LAMTOR3: variants seen among roughly 807,000 people sequenced by gnomAD.
The protein encoded by LAMTOR3 is ragulator complex protein LAMTOR3.
A neutral mutation model predicts 20.3 loss-of-function variants in LAMTOR3; 14 were observed. The observed-to-expected ratio is 0.69, with a 90% CI of 0.46 to 1.08. The LOEUF (loss-of-function observed/expected upper bound fraction) is 1.08, where lower values mean the gene tolerates loss of function less well. Ranked by LOEUF, LAMTOR3 falls within the 50% of genes least tolerant of loss-of-function variation. The pLI is 0.00. For synonymous variants in LAMTOR3, 40 were observed against 49.4 expected, an observed-to-expected ratio of 0.81 and a Z score of 0.80; for missense variants, 125 against 143.7, an observed-to-expected ratio of 0.87 and a Z score of 0.67.
chr4:99,882,492 A>G (rs1164521257), intron 6 of LAMTOR3, among the ~76,000 whole-genome samples: 1 of 152,140 alleles, frequency 6.6e-6, no homozygotes, highest in Non-Finnish European at 1.5e-5. Flanking sequence ...TTCAGCATCT[A>G]TTACTAAAGT....
intron 3 of LAMTOR3, among the ~76,000 whole-genome samples, chr4:99,888,473 C>T (rs1184899316): frequency 6.6e-6 from 1 of 152,190 alleles, no homozygotes; most frequent in Non-Finnish European, 1.5e-5. Flanking sequence ...TAAGGTGACA[C>T]TCCTCGACTT....
At chr4:99,882,912 G>A (rs1219930402) in intron 6 of LAMTOR3, among the ~76,000 whole-genome samples, 1 of 151,938 alleles carries the variant, frequency 6.6e-6, no homozygotes, top group African/African-American at 2.4e-5. Context: ...AGAGTGAAAG[G>A]CTATCTGCCT....
chr4:99,891,505 AAAGTATGTTG>A (rs1281258007), intron 3 of LAMTOR3, among the ~76,000 whole-genome samples: 2 of 152,186 alleles, frequency 1.3e-5, no homozygotes, highest in African/African-American at 4.8e-5. Flanking sequence ...CATTTCTTTC[AAAGTATGTTG>A]ATGGTTGGTC....
intron 2 of LAMTOR3, among the ~76,000 whole-genome samples, chr4:99,892,709 G>A (rs1306403062): frequency 7.5e-6 from 1 of 134,020 alleles, no homozygotes; most frequent in Non-Finnish European, 1.5e-5. Context: ...ACGGAGTTTC[G>A]CTCTTGTTGT....
chr4:99,880,635 C>T lies in LAMTOR3; in HGVS notation c.*1359G>A, dbSNP rs1724807483. ...AAAGAAAGAAAAAGCAGCACAGCAC[C>T]TAGCCAATTGCCTCACTGCACAATT... On this transcript the variant is annotated 3_prime_UTR_variant, in exon 7 of 7. Transcript: ENST00000499666. 6.6e-6 allele frequency: 1 copy of T among 152,440 alleles called. No homozygotes were observed. 9.4% of individuals were successfully genotyped at this position (152,440 alleles called of 1,614,324 possible). A position where few individuals can be genotyped will look rare whatever the true frequency, so the allele number is the denominator to read the frequency against.
rs529695611 is a variant in LAMTOR3, at chr4:99,881,035, A to G, written c.*959T>C. The G allele has an allele frequency of 2.6e-5, 4 of 152,268 alleles. No individual in the cohort carries two copies. Among genetic ancestry groups the G allele is most frequent in the African/African-American group, 9.6e-5 (4 of 41,532 alleles). The allele number at this position is 152,268 out of a possible 1,614,324, so 9.4% of individuals were successfully genotyped here. ...AGTGGCACAATCTTGGCTGACTGCAATCTCAGGTTTCTTTTCCAGTTAACA... is the reference window on the plus strand; with the variant it reads ...AGTGGCACAATCTTGGCTGACTGCAGTCTCAGGTTTCTTTTCCAGTTAACA... On this transcript the variant is annotated 3_prime_UTR_variant, in exon 7 of 7. Transcript: ENST00000499666.
At chr4:99,891,595 A>G (rs905248720) in intron 3 of LAMTOR3, among the ~76,000 whole-genome samples, 3 of 152,200 alleles carry the variant, frequency 2.0e-5, no homozygotes, top group East Asian at 1.9e-4. Context: ...TTGTCTCCCA[A>G]TGATAAAGTA....
intron 6 of LAMTOR3, among the ~76,000 whole-genome samples, chr4:99,882,661 A>G (rs1724848806): frequency 6.6e-6 from 1 of 152,108 alleles, no homozygotes; most frequent in Admixed American, 6.6e-5. Context: ...TAAATAAAGC[A>G]TACTTTTGTC....
At chr4:99,892,781 C>T (rs1725045825) in intron 2 of LAMTOR3, among the ~76,000 whole-genome samples, 1 of 150,562 alleles carries the variant, frequency 6.6e-6, no homozygotes, top group South Asian at 2.1e-4. Context: ...CAGGTTCAAA[C>T]GATTCTCCTG....
Position 99,881,794 on chromosome 4 carries a change from A to G in LAMTOR3, c.*200T>C, listed in dbSNP as rs1724832006. 3.7e-6 allele frequency: 2 copies of G among 543,734 alleles called. No individual in the cohort carries two copies. Among genetic ancestry groups the G allele is most frequent in the Non-Finnish European group, 6.5e-6 (2 of 307,114 alleles). 33.7% of individuals were successfully genotyped at this position (543,734 alleles called of 1,614,324 possible). On this transcript the variant is annotated 3_prime_UTR_variant, in exon 7 of 7. Transcript: ENST00000499666. The stretch of plus-strand genomic sequence containing the variant: ...CTGTGGTATCCCTAGATCTCACTAA[A>G]TAAGAAAGACCCTACACCAGAAAAT...
At position 99,881,243 on chromosome 4, in the gene LAMTOR3, T is replaced by A. The variant is rs538409176; in HGVS notation, c.*751A>T. On this transcript the variant is annotated 3_prime_UTR_variant, in exon 7 of 7. Transcript: ENST00000499666. Reference sequence around the variant, plus strand: ...ATACTATTTTATTTTTACTCACATATGAAAAAAATGGCTGTACTATCATGT... The same window carrying A: ...ATACTATTTTATTTTTACTCACATAAGAAAAAAATGGCTGTACTATCATGT... 1 of 152,146 alleles carries A rather than the reference T, an allele frequency of 6.6e-6. No individual in the cohort carries two copies. 9.4% of individuals were successfully genotyped at this position (152,146 alleles called of 1,614,324 possible).
chr4:99,890,765 T>C (rs1273272696), intron 3 of LAMTOR3, among the ~76,000 whole-genome samples: 1 of 152,028 alleles, frequency 6.6e-6, no homozygotes, highest in Non-Finnish European at 1.5e-5. Context: ...TGTTAAAAGA[T>C]AAGAGACATC....
At position 99,880,529 on chromosome 4, in the gene LAMTOR3, G is replaced by A. The variant is rs917218240; in HGVS notation, c.*1465C>T. 1 of 151,996 alleles carries A rather than the reference G, an allele frequency of 6.6e-6. No individual in the cohort carries two copies. Among genetic ancestry groups the A allele is most frequent in the Non-Finnish European group, 1.5e-5 (1 of 68,058 alleles). 9.4% of individuals were successfully genotyped at this position (151,996 alleles called of 1,614,324 possible). A position where few individuals can be genotyped will look rare whatever the true frequency, so the allele number is the denominator to read the frequency against. On this transcript the variant is annotated 3_prime_UTR_variant, in exon 7 of 7. Transcript: ENST00000499666. ...AACAGCTTGAACCCAGGAGGCAGAG[G>A]TTACAGTGAGGCAAGATCATGCCAC...
chr4:99,887,561 A>G (rs1724952207), intron 3 of LAMTOR3, among the ~76,000 whole-genome samples: 1 of 152,236 alleles, frequency 6.6e-6, no homozygotes, highest in African/African-American at 2.4e-5. Flanking sequence ...TTACAAGTTC[A>G]TGCAGTTTAT....
At chr4:99,893,403 T>A (rs1725060957) in intron 2 of LAMTOR3, among the ~76,000 whole-genome samples, 2 of 152,188 alleles carry the variant, frequency 1.3e-5, no homozygotes, top group African/African-American at 4.8e-5. Context: ...CATGGATTAA[T>A]CAGGTATCTC....
At chr4:99,882,221 C>T (rs765728014) in intron 6 of LAMTOR3, among the ~76,000 whole-genome samples, 154 bp from the exon 7 acceptor site, 1 of 152,012 alleles carries the variant, frequency 6.6e-6, no homozygotes, top group Non-Finnish European at 1.5e-5. Context: ...GTTGAATATC[C>T]CTTATCCAAA....
In LAMTOR3 at chr4:99,878,580, T is replaced by C. The variant is rs1048925780; in HGVS notation, c.*3414A>G. On this transcript the variant is annotated 3_prime_UTR_variant, in exon 7 of 7. Transcript: ENST00000499666. The stretch of plus-strand genomic sequence containing the variant: ...ATGTCTTCAGAGACAGTCTACCATA[T>C]ACAAACAAATAGGAATACATACACA... 2.0e-5 allele frequency: 3 copies of C among 152,198 alleles called. No homozygotes were observed. Among genetic ancestry groups the C allele is most frequent in the African/African-American group, 7.2e-5 (3 of 41,454 alleles). 9.4% of individuals were successfully genotyped at this position (152,198 alleles called of 1,614,324 possible).
intron 2 of LAMTOR3, among the ~76,000 whole-genome samples, 182 bp from the exon 3 acceptor site, chr4:99,892,216 C>CT (rs1253565443): frequency 1.3e-5 from 2 of 152,082 alleles, no homozygotes; most frequent in Non-Finnish European, 2.9e-5. Context: ...GTTAACCAAC[C>CT]TTTTTTCGCT....
At chr4:99,884,716 G>A (rs1011136364) in intron 5 of LAMTOR3, among the ~76,000 whole-genome samples, 1 of 152,160 alleles carries the variant, frequency 6.6e-6, no homozygotes, top group Non-Finnish European at 1.5e-5. Context: ...TGTAATCCCA[G>A]CACTCTGGGA....
Sources: allele counts gnomAD v4.1 joint callset (sites outside exome capture counted in the v4.1 genomes callset), GRCh38; gene constraint gnomAD v4.1.1; transcripts MANE v1.5; gene names NCBI Gene and HGNC (gene_info 2026-07-23, HGNC 2026-07-21).